NFIB: variants seen among roughly 807,000 people sequenced by gnomAD.
The protein encoded by NFIB is nuclear factor 1 B-type.
A neutral mutation model predicts 61.5 loss-of-function variants in NFIB; 11 were observed. The ratio of observed to expected loss-of-function variants is 0.18; its 90% CI spans 0.11 to 0.30. The LOEUF (loss-of-function observed/expected upper bound fraction) is 0.30. Among genes scored for constraint, NFIB ranks in the 10% least tolerant of loss-of-function variants. The probability of loss-of-function intolerance (pLI) is 1.00; values close to 1 mark genes in which losing one functional copy is unlikely to be tolerated. For synonymous variants in NFIB, 260 were observed against 216.5 expected (o/e 1.20, Z -1.76); for missense variants, 471 against 608.9 (o/e 0.77, Z 2.38).
At chr9:14,115,316 G>A (rs1320540244) in intron 9 of NFIB, among the ~76,000 whole-genome samples, 1 of 151,724 alleles carries the variant, frequency 6.6e-6, no homozygotes, top group African/African-American at 2.4e-5. Context: ...TTGAATTGAA[G>A]ATATCTGTAT....
At chr9:14,166,745 C>T (rs2044836940) in intron 3 of NFIB, among the ~76,000 whole-genome samples, 1 of 152,144 alleles carries the variant, frequency 6.6e-6, no homozygotes, top group Non-Finnish European at 1.5e-5. Context: ...CTCTGTGTTT[C>T]CTCTGCTTCT....
At chr9:14,214,318 T>C (rs569213651) in intron 2 of NFIB, among the ~76,000 whole-genome samples, 32 of 152,234 alleles carry the variant, frequency 2.1e-4, no homozygotes, top group African/African-American at 7.5e-4. Flanking sequence ...TGCAGTCACA[T>C]AGAGCCCCAC....
chr9:14,491,963 CAA>C, the NFIB span, among the ~76,000 whole-genome samples: 12 of 152,132 alleles, frequency 7.9e-5, no homozygotes, highest in African/African-American at 2.9e-4. Context: ...ACATCTTTTT[CAA>C]GTTTGTTACC....
intron 6 of NFIB, among the ~76,000 whole-genome samples, chr9:14,137,481 G>C (rs1416048652): frequency 1.3e-5 from 2 of 152,150 alleles, no homozygotes; most frequent in African/African-American, 4.8e-5. Flanking sequence ...AAAGACTCAA[G>C]TACTGAAGAT....
the NFIB span, among the ~76,000 whole-genome samples, chr9:14,447,122 G>A: frequency 6.6e-6 from 1 of 152,112 alleles, no homozygotes; most frequent in African/African-American, 2.4e-5. Flanking sequence ...TTCTTTGAAA[G>A]TCTGTTTGGT....
intron 2 of NFIB, among the ~76,000 whole-genome samples, chr9:14,262,942 G>A (rs776214754): frequency 1.4e-4 from 22 of 151,958 alleles, no homozygotes; most frequent in African/African-American, 4.4e-4. Context: ...ATTCAATGTC[G>A]ACATAAATCC....
the NFIB span, among the ~76,000 whole-genome samples, chr9:14,404,164 A>C: frequency 1.3e-5 from 2 of 152,174 alleles, no homozygotes; most frequent in Admixed American, 1.3e-4. Context: ...GGTGTGGTCC[A>C]TCTATCTAAT....
chr9:14,354,009 C>T (rs1467332648), intron 1 of NFIB, among the ~76,000 whole-genome samples: 1 of 152,028 alleles, frequency 6.6e-6, no homozygotes, highest in Non-Finnish European at 1.5e-5. Context: ...ATGTTCCAAC[C>T]TCCCCTTCCT....
intron 2 of NFIB, among the ~76,000 whole-genome samples, chr9:14,303,463 G>A: frequency 6.6e-6 from 1 of 152,118 alleles, no homozygotes; most frequent in East Asian, 1.9e-4. Flanking sequence ...AAGAATCATT[G>A]GACGTCTTTA....
At chr9:14,269,365 T>C (rs994588398) in intron 2 of NFIB, among the ~76,000 whole-genome samples, 1 of 152,180 alleles carries the variant, frequency 6.6e-6, no homozygotes, top group Non-Finnish European at 1.5e-5. Flanking sequence ...TGATGAAGGT[T>C]CTAAGTACAA....
intron 9 of NFIB, among the ~76,000 whole-genome samples, chr9:14,113,983 C>T (rs2037767431): frequency 6.6e-6 from 1 of 152,136 alleles, no homozygotes; most frequent in South Asian, 2.1e-4. Flanking sequence ...CTTCCCAGAA[C>T]TAGGCAATCC....
chr9:14,234,520 C>A (rs1352812426), intron 2 of NFIB, among the ~76,000 whole-genome samples: 2 of 151,944 alleles, frequency 1.3e-5, no homozygotes, highest in African/African-American at 2.4e-5. Context: ...CAGGCACGCA[C>A]CACCACGCCC....
chr9:14,425,493 T>C, the NFIB span, among the ~76,000 whole-genome samples: 6 of 152,096 alleles, frequency 3.9e-5, no homozygotes, highest in Non-Finnish European at 7.4e-5. Flanking sequence ...TGTAGAGATC[T>C]GGGGAAAAGG....
In NFIB at chr9:14,082,632, C is replaced by T. The variant is rs1364956708; in HGVS notation, c.*5677G>A. 1 of 205,378 alleles carries T rather than the reference C, an allele frequency of 4.9e-6. No homozygotes were observed. The highest frequency in any genetic ancestry group is 2.3e-5 in the African/African-American group (1 of 43,434). 12.7% of individuals were successfully genotyped at this position (205,378 alleles called of 1,614,324 possible). A position where few individuals can be genotyped will look rare whatever the true frequency, so the allele number is the denominator to read the frequency against. On this transcript the variant is annotated 3_prime_UTR_variant, in exon 11 of 11. Transcript: ENST00000380953. ...AGACTGTGAAATTGAACAGGCACTG[C>T]TCATTTGTTTGAGTTTTTTGGTAAA...
At chr9:14,421,096 A>AAAT in the NFIB span, among the ~76,000 whole-genome samples, 32 of 151,962 alleles carry the variant, frequency 2.1e-4, no homozygotes, top group Middle Eastern at 3.4e-3. Flanking sequence ...AAAAAAAAAA[A>AAAT]AATAAGGCAT....
chr9:14,389,869 T>C (rs12353551), intron 1 of NFIB, among the ~76,000 whole-genome samples: 47,751 of 152,080 alleles, frequency 0.31, 8,386 homozygotes, highest in Non-Finnish European at 0.4. Context: ...TGAGTTGATA[T>C]AGAATCAAAG....
chr9:14,220,885 A>ACACACACT (rs1165598223), intron 2 of NFIB, among the ~76,000 whole-genome samples: 1 of 143,024 alleles, frequency 7.0e-6, no homozygotes, highest in African/African-American at 2.6e-5. Context: ...ACACACACAC[A>ACACACACT]CCACATCCCA....
the NFIB span, among the ~76,000 whole-genome samples, chr9:14,523,725 G>A: frequency 1.3e-5 from 2 of 152,016 alleles, no homozygotes; most frequent in African/African-American, 2.4e-5. Flanking sequence ...ACCCCTGAAC[G>A]ATCTCAGTCA....
chr9:14,404,564 G>A, the NFIB span, among the ~76,000 whole-genome samples: 1 of 152,084 alleles, frequency 6.6e-6, no homozygotes, highest in African/African-American at 2.4e-5. Context: ...ATGTTTATTT[G>A]GAGACTCTCT....
Sources: allele counts gnomAD v4.1 joint callset (sites outside exome capture counted in the v4.1 genomes callset), GRCh38; gene constraint gnomAD v4.1.1; transcripts MANE v1.5; gene names NCBI Gene and HGNC (gene_info 2026-07-23, HGNC 2026-07-21).